MDGA2: variants seen among roughly 807,000 people sequenced by gnomAD.
MDGA2 encodes MAM domain-containing glycosylphosphatidylinositol anchor protein 2.
In MDGA2, 40 loss-of-function variants were observed where a neutral mutation model predicts 117.8. That is an observed-to-expected ratio of 0.34 (90% confidence interval 0.26 to 0.44). The LOEUF is 0.44. Ranked by LOEUF, MDGA2 falls within the 20% of genes least tolerant of loss-of-function variation. MDGA2 has a pLI of 1.00. For synonymous variants in MDGA2, 452 were observed against 439.0 expected, an observed-to-expected ratio of 1.03 and a Z score of -0.37; for missense variants, 1,123 against 1,250.6, an observed-to-expected ratio of 0.90 and a Z score of 1.54.
At chr14:47,420,708 T>A (rs910060264) in intron 1 of MDGA2, among the ~76,000 whole-genome samples, 3 of 152,098 alleles carry the variant, frequency 2.0e-5, no homozygotes, top group Non-Finnish European at 4.4e-5. Context: ...AGACCTTGAC[T>A]GGTGAAAAAG....
chr14:47,286,480 ATCTG>A (rs1321039277), intron 2 of MDGA2, among the ~76,000 whole-genome samples: 5 of 151,998 alleles, frequency 3.3e-5, no homozygotes, highest in Non-Finnish European at 7.4e-5. Context: ...AACATGTAAC[ATCTG>A]TCTTTCTGTG....
intron 6 of MDGA2, among the ~76,000 whole-genome samples, chr14:47,089,513 T>C (rs1444363922): frequency 2.0e-5 from 3 of 152,034 alleles, no homozygotes; most frequent in Non-Finnish European, 4.4e-5. Flanking sequence ...GTAGTTGGGA[T>C]TATAGGTGCG....
chr14:47,402,814 C>T (rs1287095707), intron 1 of MDGA2, among the ~76,000 whole-genome samples: 1 of 151,948 alleles, frequency 6.6e-6, no homozygotes, highest in Non-Finnish European at 1.5e-5. Flanking sequence ...TAAAAATGTA[C>T]CCATTAAGTA....
chr14:46,918,820 G>A (rs986606887), intron 10 of MDGA2, among the ~76,000 whole-genome samples: 5 of 146,268 alleles, frequency 3.4e-5, no homozygotes, highest in African/African-American at 1.3e-4. Context: ...GGAGTGCAGT[G>A]GCGCGACCTC....
In MDGA2 at chr14:47,102,387, AC is replaced by A. The variant is rs1196286534; in HGVS notation, c.926-5265del. ...GAGAAACACACACACACACACACACACACACAAACACACACACACACACACA... is the reference window on the plus strand; with the variant it reads ...GAGAAACACACACACACACACACACAACACAAACACACACACACACACACA... On this transcript the variant is annotated intron_variant, in intron 5 of 16. Coordinates refer to ENST00000399232, the MANE Select transcript of MDGA2 (RefSeq NM_001113498.3). Among the ~76,000 whole-genome samples the A allele has an allele frequency of 4.6e-3, 693 of 149,612 alleles. 5 individuals are homozygous for A. Among genetic ancestry groups the A allele is most frequent in the African/African-American group, 0.017 (666 of 39,812 alleles).
chr14:47,317,067 A>G (rs949518331), intron 1 of MDGA2, among the ~76,000 whole-genome samples: 13 of 152,158 alleles, frequency 8.5e-5, no homozygotes, highest in African/African-American at 2.9e-4. Context: ...CTACATTAGT[A>G]TATCAAACTA....
At chr14:47,555,618 T>C (rs890779061) in intron 1 of MDGA2, among the ~76,000 whole-genome samples, 3 of 152,184 alleles carry the variant, frequency 2.0e-5, no homozygotes, top group Non-Finnish European at 4.4e-5. Context: ...TAAAAATATT[T>C]ACACTGCAAG....
chr14:47,266,590 A>G (rs1039989075), intron 2 of MDGA2, among the ~76,000 whole-genome samples: 2 of 152,086 alleles, frequency 1.3e-5, no homozygotes, highest in African/African-American at 4.8e-5. Context: ...AGAGGACTCA[A>G]CTCCAAAGTC....
At chr14:47,458,142 T>C (rs534475491) in intron 1 of MDGA2, among the ~76,000 whole-genome samples, 133 of 152,260 alleles carry the variant, frequency 8.7e-4, no homozygotes, top group South Asian at 1.7e-3. Flanking sequence ...CAGGTTGTTT[T>C]GTTGCTACTG....
At chr14:46,992,933 A>G (rs1335260185) in intron 8 of MDGA2, among the ~76,000 whole-genome samples, 1 of 152,174 alleles carries the variant, frequency 6.6e-6, no homozygotes, top group East Asian at 1.9e-4. Context: ...AATATTGACA[A>G]GTGAAAATGA....
intron 6 of MDGA2, among the ~76,000 whole-genome samples, chr14:47,062,511 TTTC>T (rs1359271447): frequency 6.6e-6 from 1 of 151,864 alleles, no homozygotes; most frequent in Non-Finnish European, 1.5e-5. Context: ...TTTTTTTTTT[TTTC>T]ATCATCTTCC....
intron 8 of MDGA2, among the ~76,000 whole-genome samples, chr14:46,965,016 C>T (rs1481859370): frequency 4.2e-5 from 5 of 119,988 alleles, no homozygotes; most frequent in Admixed American, 1.0e-4. Context: ...CTCCGCCTCC[C>T]GGGTTCACGC....
chr14:47,089,867 G>A (rs184846024), intron 6 of MDGA2, among the ~76,000 whole-genome samples: 2,637 of 151,778 alleles, frequency 0.017, 63 homozygotes, highest in African/African-American at 0.061. Flanking sequence ...AAAAAAAAAG[G>A]GAATAATAAT....
At chr14:47,126,139 A>C (rs560404587) in intron 5 of MDGA2, among the ~76,000 whole-genome samples, 65 of 152,188 alleles carry the variant, frequency 4.3e-4, no homozygotes, top group African/African-American at 1.5e-3. Flanking sequence ...AGCTACATTA[A>C]GAATTTACCA....
At chr14:47,338,129 G>T (rs973224782) in intron 1 of MDGA2, among the ~76,000 whole-genome samples, 2 of 151,798 alleles carry the variant, frequency 1.3e-5, no homozygotes, top group African/African-American at 4.8e-5. Flanking sequence ...GACAAGCCTG[G>T]TTTTCAATAG....
intron 1 of MDGA2, among the ~76,000 whole-genome samples, chr14:47,387,306 G>A (rs1891783009): frequency 6.6e-6 from 1 of 152,112 alleles, no homozygotes; most frequent in Admixed American, 6.6e-5. Context: ...CCACGGTTGG[G>A]TTATTCTCCA....
chr14:47,380,117 T>A (rs1240554713), intron 1 of MDGA2, among the ~76,000 whole-genome samples: 1 of 151,542 alleles, frequency 6.6e-6, no homozygotes, highest in Non-Finnish European at 1.5e-5. Context: ...TACTCCCAAA[T>A]GTACTGGGTA....
chr14:47,135,943 T>A (rs1318809441), intron 4 of MDGA2, among the ~76,000 whole-genome samples: 1 of 152,126 alleles, frequency 6.6e-6, no homozygotes, highest in East Asian at 1.9e-4. Context: ...AGATAAGATT[T>A]CAAAGCTTGG....
At chr14:47,470,819 T>G (rs1176269605) in intron 1 of MDGA2, among the ~76,000 whole-genome samples, 1 of 152,188 alleles carries the variant, frequency 6.6e-6, no homozygotes, top group Non-Finnish European at 1.5e-5. Context: ...AGTAGCTATT[T>G]CCAGTGGCCA....
Sources: allele counts gnomAD v4.1 joint callset (sites outside exome capture counted in the v4.1 genomes callset), GRCh38; gene constraint gnomAD v4.1.1; transcripts MANE v1.5; gene names NCBI Gene and HGNC (gene_info 2026-07-23, HGNC 2026-07-21).